TTC4: variants seen among roughly 807,000 people sequenced by gnomAD.
The protein encoded by TTC4 is hsp70/Hsp90 co-chaperone CNS1 homolog.
A neutral mutation model predicts 51.9 loss-of-function variants in TTC4; 36 were observed. That is an observed-to-expected ratio of 0.69 (90% CI 0.53 to 0.92). TTC4 has a LOEUF of 0.92. TTC4 is among the 40% of genes least tolerant of loss of function. The pLI, the probability that TTC4 is intolerant of heterozygous loss-of-function variation, is 0.00. For synonymous variants in TTC4, 144 were observed against 164.2 expected, an observed-to-expected ratio of 0.88 and a Z score of 0.94; for missense variants, 399 against 454.6, an observed-to-expected ratio of 0.88 and a Z score of 1.11.
chr1:54,728,178 T>C (rs1317798856), intron 5 of TTC4, among the ~76,000 whole-genome samples, 168 bp from the exon 6 acceptor site: 2 of 152,204 alleles, frequency 1.3e-5, no homozygotes, highest in Admixed American at 1.3e-4. Context: ...GTCTGACATC[T>C]AGGCATGTAC....
intron 8 of TTC4, among the ~76,000 whole-genome samples, chr1:54,736,210 GAGAGAGAGAGAGAA>G (rs1645935017): frequency 9.4e-6 from 1 of 106,876 alleles, no homozygotes; most frequent in African/African-American, 3.9e-5. Context: ...GAGAGAGAGA[GAGAGAGAGAGAGAA>G]GAGGAGAGGA....
At position 54,723,457 on chromosome 1, in the gene TTC4, G is replaced by T. The variant is rs78888672; in HGVS notation, c.594+658G>T. Reference sequence around the variant, plus strand: ...AGTGTATATTATATACTCCCATTCCGTAGTATAAGCCATGAAGAGAGACCT... The same window carrying T: ...AGTGTATATTATATACTCCCATTCCTTAGTATAAGCCATGAAGAGAGACCT... On this transcript the variant is annotated intron_variant, in intron 5 of 9. Coordinates refer to ENST00000371281, the MANE Select transcript of TTC4 (RefSeq NM_004623.5). Among the ~76,000 whole-genome samples, 1,291 of 152,184 alleles carry T rather than the reference G, an allele frequency of 8.5e-3. 28 individuals are homozygous for T. The highest frequency in any genetic ancestry group is 0.029 in the African/African-American group (1,220 of 41,488).
At chr1:54,726,188 CAAA>C (rs1645797015) in intron 5 of TTC4, among the ~76,000 whole-genome samples, 2 of 151,998 alleles carry the variant, frequency 1.3e-5, no homozygotes, top group African/African-American at 4.8e-5. Flanking sequence ...TGTTGAAAAA[CAAA>C]GAAGAGAACC....
intron 6 of TTC4, among the ~76,000 whole-genome samples, chr1:54,729,484 C>T (rs927713013): frequency 2.6e-5 from 4 of 152,060 alleles, no homozygotes; most frequent in Non-Finnish European, 2.9e-5. Context: ...GTGTTAGAGC[C>T]GGGTCCTTGC....
At chr1:54,717,395 G>A (rs1645688833) in intron 2 of TTC4, 97 bp from the exon 3 acceptor site, 1 of 1,115,566 alleles carries the variant, frequency 9.0e-7, no homozygotes, top group Non-Finnish European at 1.2e-6. Flanking sequence ...CTTCGCTTTG[G>A]TGTGTCATAT....
chr1:54,728,248 G>T, intron 5 of TTC4, 98 bp from the exon 6 acceptor site: 1 of 1,085,104 alleles, frequency 9.2e-7, no homozygotes, highest in Non-Finnish European at 1.3e-6. Flanking sequence ...AGGAGCTTGG[G>T]TTGGATAGAG....
intron 7 of TTC4, among the ~76,000 whole-genome samples, 198 bp from the exon 8 acceptor site, chr1:54,733,419 AAAAAAAAAAAAT>A (rs1167819562): frequency 9.1e-6 from 1 of 110,406 alleles, no homozygotes; most frequent in East Asian, 2.9e-4. Context: ...ACCCTGTCTC[AAAAAAAAAAAAT>A]AAAATAAAAT....
intron 5 of TTC4, among the ~76,000 whole-genome samples, chr1:54,726,180 T>C (rs1319121224): frequency 6.6e-6 from 1 of 152,120 alleles, no homozygotes; most frequent in Non-Finnish European, 1.5e-5. Context: ...AATTAAACTG[T>C]TGAAAAACAA....
At chr1:54,736,644 A>G (rs1645948124) in intron 8 of TTC4, 1 of 152,200 alleles carries the variant, frequency 6.6e-6, no homozygotes, top group African/African-American at 2.4e-5. Flanking sequence ...TGTTCAGATT[A>G]CAGGCATAAG....
chr1:54,726,602 CACTT>C (rs1268936897), intron 5 of TTC4, among the ~76,000 whole-genome samples: 1 of 152,134 alleles, frequency 6.6e-6, no homozygotes, highest in East Asian at 1.9e-4. Context: ...CATCAAAAAA[CACTT>C]ATGAGTACAT....
intron 7 of TTC4, 66 bp downstream of exon 7, chr1:54,731,766 G>GA: frequency 6.7e-7 from 1 of 1,502,616 alleles, no homozygotes; most frequent in Non-Finnish European, 9.1e-7. Context: ...TGGCAGGAGG[G>GA]ACGAGTGGAT....
chr1:54,738,658 G>A (rs571681125), intron 9 of TTC4, among the ~76,000 whole-genome samples: 22 of 134,752 alleles, frequency 1.6e-4, no homozygotes, highest in African/African-American at 5.8e-4. Context: ...CTGCTAGGAT[G>A]GCCTTTTTTT....
intron 4 of TTC4, among the ~76,000 whole-genome samples, chr1:54,721,781 T>A (rs566751075): frequency 6.6e-6 from 1 of 152,314 alleles, no homozygotes; most frequent in Admixed American, 6.5e-5. Context: ...CTTAAAATGC[T>A]TTTTCAAAAT....
In TTC4 at chr1:54,727,390, A is replaced by T. The variant is rs535276705; in HGVS notation, c.595-956A>T. Among the ~76,000 whole-genome samples the T allele has an allele frequency of 5.3e-5, 8 of 152,332 alleles. No individual in the cohort carries two copies. In the East Asian group the frequency reaches 1.5e-3, roughly 29 times the overall value. ...CAAATACCCAAATGTAAGAGCTAAGACTATACAACTCTTAAAAGAAAACAT... is the reference window on the plus strand; with the variant it reads ...CAAATACCCAAATGTAAGAGCTAAGTCTATACAACTCTTAAAAGAAAACAT... On this transcript the variant is annotated intron_variant, in intron 5 of 9. Coordinates refer to ENST00000371281, the MANE Select transcript of TTC4 (RefSeq NM_004623.5).
At chr1:54,733,237 G>C (rs1374803214) in intron 7 of TTC4, among the ~76,000 whole-genome samples, 1 of 150,782 alleles carries the variant, frequency 6.6e-6, no homozygotes, top group Admixed American at 6.6e-5. Context: ...GGCAATATAG[G>C]GAGACCCCCA....
At chr1:54,725,844 C>T (rs1036086297) in intron 5 of TTC4, among the ~76,000 whole-genome samples, 1 of 152,110 alleles carries the variant, frequency 6.6e-6, no homozygotes, top group Admixed American at 6.6e-5. Context: ...GAAAAATTCA[C>T]TAGAGGGGCT....
At chr1:54,718,388 C>T (rs1418102198) in intron 3 of TTC4, among the ~76,000 whole-genome samples, 1 of 152,058 alleles carries the variant, frequency 6.6e-6, no homozygotes. Context: ...GGAATTTTAA[C>T]TCATTTATTT....
intron 3 of TTC4, among the ~76,000 whole-genome samples, chr1:54,720,021 C>T (rs574943647): frequency 8.6e-5 from 13 of 151,938 alleles, no homozygotes; most frequent in Middle Eastern, 3.4e-3. Context: ...ACTTCTGCCT[C>T]CCGAGTAGGT....
intron 9 of TTC4, among the ~76,000 whole-genome samples, chr1:54,738,210 C>T (rs1045360751): frequency 6.6e-6 from 1 of 152,190 alleles, no homozygotes; most frequent in African/African-American, 2.4e-5. Flanking sequence ...CAAAAACTCC[C>T]ATTTTTCAAA....
Sources: gnomAD v4.1 joint callset for allele counts (sites outside exome capture counted in the v4.1 genomes callset) on GRCh38, gnomAD v4.1.1 for gene constraint, MANE v1.5 for transcripts, NCBI Gene and HGNC (gene_info 2026-07-23, HGNC 2026-07-21) for gene names.